Variants in TIMM23 observed in about 807,000 individuals in gnomAD.
The protein encoded by TIMM23 is mitochondrial import inner membrane translocase subunit Tim23.
Under a neutral mutation model 30.7 loss-of-function variants are expected in TIMM23, and 19 were observed. That is an observed-to-expected ratio of 0.62 (90% CI 0.43 to 0.91). The LOEUF (loss-of-function observed/expected upper bound fraction) is 0.91. Ranked by LOEUF, TIMM23 falls within the 40% of genes least tolerant of loss-of-function variation. The pLI is 0.00. For synonymous variants in TIMM23, 78 were observed against 98.5 expected, an observed-to-expected ratio of 0.79 and a Z score of 1.23; for missense variants, 202 against 269.2, an observed-to-expected ratio of 0.75 and a Z score of 1.75.
intron 6 of TIMM23, chr10:45,992,444 G>A (rs1838192101): frequency 1.1e-5 from 5 of 455,780 alleles, no homozygotes; most frequent in Non-Finnish European, 1.8e-5. Context: ...CTCAATATGC[G>A]TAGACTCTCC....
At chr10:46,001,942 G>A (rs1033674648) in intron 6 of TIMM23, among the ~76,000 whole-genome samples, 1 of 152,050 alleles carries the variant, frequency 6.6e-6, no homozygotes, top group Non-Finnish European at 1.5e-5. Flanking sequence ...TTAAGTAACC[G>A]ATTGAAATAT....
chr10:45,988,292 C>T (rs1221979828), intron 5 of TIMM23, among the ~76,000 whole-genome samples: 3 of 152,196 alleles, frequency 2.0e-5, no homozygotes, highest in Non-Finnish European at 4.4e-5. Context: ...AGCATTTCTT[C>T]TTCCTGGGTA....
intron 6 of TIMM23, among the ~76,000 whole-genome samples, chr10:45,990,230 C>G (rs1838120351): frequency 6.6e-6 from 1 of 150,856 alleles, no homozygotes; most frequent in Non-Finnish European, 1.5e-5. Context: ...TCAAGCAGTT[C>G]TCCCATCTCA....
intron 6 of TIMM23, chr10:46,002,633 G>A (rs1838578441): frequency 2.6e-6 from 1 of 390,132 alleles, no homozygotes; most frequent in Admixed American, 6.4e-5. Flanking sequence ...GACTGTTCTA[G>A]TTGGAACTCC....
intron 6 of TIMM23, among the ~76,000 whole-genome samples, chr10:46,002,732 G>A (rs1356586295): frequency 6.7e-6 from 1 of 149,492 alleles, no homozygotes; most frequent in African/African-American, 2.5e-5. Flanking sequence ...TACACAAGTG[G>A]TATTACTTTA....
chr10:45,980,649 G>T (rs1247056120), intron 2 of TIMM23, among the ~76,000 whole-genome samples: 6 of 151,908 alleles, frequency 3.9e-5, no homozygotes, highest in Non-Finnish European at 7.4e-5. Context: ...ACCCATTCTT[G>T]GATTTATCTT....
At chr10:45,985,635 G>A (rs76124997) in intron 5 of TIMM23, among the ~76,000 whole-genome samples, 194 bp downstream of exon 5, 2 of 152,266 alleles carry the variant, frequency 1.3e-5, no homozygotes, top group East Asian at 1.9e-4. Context: ...TGCTAATACC[G>A]TTCTGAATAC....
chr10:45,972,876 C>T (rs1837537110), intron 1 of TIMM23, 146 bp downstream of exon 1: 2 of 1,437,920 alleles, frequency 1.4e-6, no homozygotes, highest in East Asian at 2.5e-5. Flanking sequence ...AGTGTATCTG[C>T]ATGGCTGCTC....
At position 45,972,688 on chromosome 10, in the gene TIMM23, G is replaced by C. The variant is rs1554911981; in HGVS notation, c.64G>C (p.Gly22Arg). 1 of 1,614,010 alleles carries C rather than the reference G, an allele frequency of 6.2e-7. No individual in the cohort carries two copies. The highest frequency in any genetic ancestry group is 8.5e-7 in the Non-Finnish European group (1 of 1,179,866). The change falls in exon 1 of 7, where the codon GGC becomes CGC. Residue 22 changes from glycine to arginine, a missense_variant. Transcript: ENST00000580018. ...GGGATTGGCCGGCTTTTTCGGAGCC[G>C]GCGGAGCAGGTTACTCGCACGCGGA... ...TGGLAGFFGA[G>R]GAGYSHADLA...
chr10:45,979,358 A>G (rs1165742330), intron 2 of TIMM23, among the ~76,000 whole-genome samples: 1 of 152,164 alleles, frequency 6.6e-6, no homozygotes, highest in East Asian at 1.9e-4. Flanking sequence ...TTGCAGTAGC[A>G]GCATCATAGC....
intron 6 of TIMM23, 74 bp from the exon 7 acceptor site, chr10:46,003,129 T>C: frequency 4.8e-6 from 6 of 1,252,680 alleles, no homozygotes; most frequent in South Asian, 2.5e-5. Flanking sequence ...ACAGTACTTT[T>C]TATTTAACCC....
chr10:46,002,358 CAG>C (rs1366852421), intron 6 of TIMM23: 1 of 196,660 alleles, frequency 5.1e-6, no homozygotes, highest in East Asian at 1.9e-4. Context: ...CTATTTTTTG[CAG>C]AGACAGGGTT....
At position 45,999,376 on chromosome 10, in the gene TIMM23, A is replaced by G. The variant is rs986707217; in HGVS notation, c.515-3827A>G. ...CCGATAGTCGCGTACATTCTTTTCT[A>G]TTTTCCTTAAGCGTCAGCCAGCTTG... is the stretch of plus-strand genomic sequence containing the variant. On this transcript the variant is annotated intron_variant, in intron 6 of 6. Transcript: ENST00000580018. 5.3e-4 allele frequency among the ~76,000 whole-genome samples: 80 copies of G among 151,840 alleles called. 2 individuals carry two copies. The East Asian group carries it at 9.3e-3, about 18-fold the overall frequency.
chr10:45,986,151 C>T (rs1218078030), intron 5 of TIMM23, among the ~76,000 whole-genome samples: 5 of 152,118 alleles, frequency 3.3e-5, no homozygotes, highest in Non-Finnish European at 7.4e-5. Context: ...ATAGAAAAAG[C>T]GTTTGTTATG....
intron 6 of TIMM23, chr10:46,002,583 A>G: frequency 1.3e-6 from 1 of 751,738 alleles, no homozygotes. Flanking sequence ...ATCCATTGAC[A>G]GTGCTAGTGG....
chr10:45,995,983 GA>G (rs1838316063), intron 6 of TIMM23, among the ~76,000 whole-genome samples: 1 of 149,854 alleles, frequency 6.7e-6, no homozygotes, highest in Non-Finnish European at 1.5e-5. Flanking sequence ...TCAAGTGTCT[GA>G]TGCATAATAA....
chr10:45,974,439 G>A (rs1362339745), intron 1 of TIMM23, among the ~76,000 whole-genome samples: 21 of 152,300 alleles, frequency 1.4e-4, no homozygotes, highest in African/African-American at 4.8e-4. Context: ...CAAATGTCCT[G>A]AAACAAAACA....
At chr10:45,999,421 A>T (rs1057314571) in intron 6 of TIMM23, among the ~76,000 whole-genome samples, 1 of 152,130 alleles carries the variant, frequency 6.6e-6, no homozygotes, top group Non-Finnish European at 1.5e-5. Flanking sequence ...GGGACAGGGT[A>T]CAAAAGAGAG....
intron 2 of TIMM23, 146 bp from the exon 3 acceptor site, chr10:45,982,377 A>C (rs1837875509): frequency 1.4e-6 from 1 of 724,200 alleles, no homozygotes. Flanking sequence ...ACTGCTGCAG[A>C]AAGTTTTATT....
Sources: allele counts gnomAD v4.1 joint callset (sites outside exome capture counted in the v4.1 genomes callset), GRCh38; gene constraint gnomAD v4.1.1; transcripts MANE v1.5; gene names NCBI Gene and HGNC (gene_info 2026-07-23, HGNC 2026-07-21).